Variants in NELL1 observed in about 807,000 individuals in gnomAD.
NELL1 encodes the protein protein kinase C-binding protein NELL1.
Under a neutral mutation model 107.4 loss-of-function variants are expected in NELL1, and 76 were observed. The observed-to-expected ratio is 0.71, with a 90% CI of 0.59 to 0.86. NELL1 has a LOEUF of 0.86. Ranked by LOEUF, NELL1 falls within the 40% of genes least tolerant of loss-of-function variation. NELL1 has a pLI of 0.00. For synonymous variants in NELL1, 353 were observed against 341.2 expected, an observed-to-expected ratio of 1.03 and a Z score of -0.38; for missense variants, 1,024 against 1,005.5, an observed-to-expected ratio of 1.02 and a Z score of -0.25.
intron 12 of NELL1, among the ~76,000 whole-genome samples, chr11:21,083,806 A>G (rs1261364723): frequency 1.3e-5 from 2 of 152,242 alleles, no homozygotes; most frequent in Non-Finnish European, 2.9e-5. Flanking sequence ...GTAGTATCAT[A>G]TAAATTAAAA....
At chr11:21,284,365 T>C (rs1309966643) in intron 14 of NELL1, 1 of 457,192 alleles carries the variant, frequency 2.2e-6, no homozygotes, top group Non-Finnish European at 4.4e-6. Flanking sequence ...AGATCATGAC[T>C]AAGGCCAAGT....
chr11:21,075,195 C>T (rs1854105593), intron 12 of NELL1, among the ~76,000 whole-genome samples: 1 of 152,100 alleles, frequency 6.6e-6, no homozygotes, highest in African/African-American at 2.4e-5. Flanking sequence ...ATACTACACC[C>T]AAGAAACTCC....
chr11:21,229,793 A>G (rs999110637), intron 14 of NELL1, among the ~76,000 whole-genome samples: 10 of 152,172 alleles, frequency 6.6e-5, no homozygotes, highest in African/African-American at 2.4e-4. Context: ...GGGCAAGTGG[A>G]CACTGTTTCT....
chr11:20,875,446 A>G (rs565039119), intron 4 of NELL1, among the ~76,000 whole-genome samples: 3 of 152,274 alleles, frequency 2.0e-5, no homozygotes, highest in Non-Finnish European at 2.9e-5. Context: ...GCATGCACCT[A>G]TAGTCCCAGC....
chr11:21,421,857 G>A (rs1033762554), intron 15 of NELL1, among the ~76,000 whole-genome samples: 10 of 151,998 alleles, frequency 6.6e-5, no homozygotes, highest in African/African-American at 1.4e-4. Flanking sequence ...TAATCAAACC[G>A]TCAAAACCCC....
intron 15 of NELL1, among the ~76,000 whole-genome samples, chr11:21,476,063 A>G (rs960043670): frequency 2.6e-5 from 4 of 152,170 alleles, no homozygotes; most frequent in Admixed American, 1.3e-4. Flanking sequence ...TTTTTCTTCA[A>G]TTGAACTCTA....
At chr11:21,171,542 C>G (rs1856607191) in intron 13 of NELL1, among the ~76,000 whole-genome samples, 2 of 151,798 alleles carry the variant, frequency 1.3e-5, no homozygotes, top group African/African-American at 4.9e-5. Context: ...TGGATTTTCT[C>G]TATTTTCGGA....
At chr11:21,414,729 C>T (rs571240224) in intron 15 of NELL1, among the ~76,000 whole-genome samples, 3 of 152,156 alleles carry the variant, frequency 2.0e-5, no homozygotes, top group South Asian at 4.2e-4. Context: ...AAGGGGAATG[C>T]GGCTATGTGC....
intron 13 of NELL1, among the ~76,000 whole-genome samples, chr11:21,172,699 T>A (rs1235194251): frequency 3.3e-5 from 5 of 151,810 alleles, no homozygotes; most frequent in Non-Finnish European, 5.9e-5. Flanking sequence ...TTATGGAGTA[T>A]TTACCGTATG....
chr11:21,183,868 G>A (rs1017015452), intron 13 of NELL1, among the ~76,000 whole-genome samples: 1 of 151,714 alleles, frequency 6.6e-6, no homozygotes, highest in African/African-American at 2.4e-5. Flanking sequence ...ATTGAGGGAG[G>A]GTAAAGGGAA....
intron 12 of NELL1, among the ~76,000 whole-genome samples, chr11:20,987,356 T>A (rs1331305395): frequency 2.0e-5 from 3 of 152,214 alleles, no homozygotes; most frequent in Non-Finnish European, 4.4e-5. Context: ...GTTGGGGAAC[T>A]TTATTAGTCT....
intron 15 of NELL1, among the ~76,000 whole-genome samples, chr11:21,463,198 T>C (rs529290151): frequency 6.6e-6 from 1 of 152,172 alleles, no homozygotes; most frequent in East Asian, 1.9e-4. Context: ...TGTTCTCTTG[T>C]CTGGGTGATT....
intron 13 of NELL1, among the ~76,000 whole-genome samples, chr11:21,153,426 A>G (rs1328420349): frequency 2.0e-5 from 3 of 152,060 alleles, no homozygotes; most frequent in African/African-American, 7.2e-5. Flanking sequence ...AAGAAAAATC[A>G]TTTATTTCAT....
At chr11:21,213,935 A>G (rs1042794828) in intron 13 of NELL1, among the ~76,000 whole-genome samples, 2 of 152,206 alleles carry the variant, frequency 1.3e-5, no homozygotes, top group Admixed American at 1.3e-4. Context: ...CTTGGACATT[A>G]CATTAAAAGC....
intron 14 of NELL1, among the ~76,000 whole-genome samples, chr11:21,365,941 C>T (rs1180561946): frequency 1.3e-5 from 2 of 152,042 alleles, no homozygotes; most frequent in South Asian, 4.1e-4. Context: ...ACATTTTGGG[C>T]CAGATCATTC....
intron 15 of NELL1, among the ~76,000 whole-genome samples, chr11:21,520,271 C>CA (rs1855684596): frequency 6.6e-6 from 1 of 152,160 alleles, no homozygotes; most frequent in Admixed American, 6.5e-5. Flanking sequence ...TCTAAATTCT[C>CA]AGTTTAAGAT....
At chr11:20,947,519 T>C (rs1003598179) in intron 11 of NELL1, 84 bp downstream of exon 11, 2 of 975,164 alleles carry the variant, frequency 2.1e-6, no homozygotes, top group East Asian at 2.4e-5. Context: ...AATAGTATGA[T>C]AATAACATGG....
chr11:20,972,418 G>T (rs778861151), intron 12 of NELL1, among the ~76,000 whole-genome samples: 4 of 152,082 alleles, frequency 2.6e-5, no homozygotes, highest in Non-Finnish European at 5.9e-5. Flanking sequence ...CAGTCAAGAG[G>T]GGGTGGGTTG....
intron 12 of NELL1, among the ~76,000 whole-genome samples, chr11:20,992,630 T>C (rs1039094554): frequency 1.6e-4 from 25 of 151,902 alleles, no homozygotes; most frequent in Non-Finnish European, 2.5e-4. Flanking sequence ...GCCTGGAGCA[T>C]AAACTTTGTC....
Sources: allele counts gnomAD v4.1 joint callset (sites outside exome capture counted in the v4.1 genomes callset), GRCh38; gene constraint gnomAD v4.1.1; transcripts MANE v1.5; gene names NCBI Gene and HGNC (gene_info 2026-07-23, HGNC 2026-07-21).